Variants in CDK15 observed in about 807,000 individuals in gnomAD.
CDK15 encodes cyclin-dependent kinase 15.
A neutral mutation model predicts 60.3 loss-of-function variants in CDK15; 62 were observed. That is an observed-to-expected ratio of 1.03 (90% CI 0.84 to 1.27). CDK15 has a LOEUF of 1.27. CDK15 is among the 50% of genes most tolerant of loss of function. CDK15 has a pLI of 0.00. For synonymous variants in CDK15, 194 were observed against 195.7 expected, an observed-to-expected ratio of 0.99 and a Z score of 0.07; for missense variants, 541 against 527.8, an observed-to-expected ratio of 1.03 and a Z score of -0.25.
chr2:201,863,130 C>T (rs1171167201), intron 10 of CDK15, among the ~76,000 whole-genome samples: 1 of 152,160 alleles, frequency 6.6e-6, no homozygotes, highest in Non-Finnish European at 1.5e-5. Flanking sequence ...ATTAACCCGT[C>T]CCCCAAATCA....
rs181137686 is a variant in CDK15 at position 201,868,928 on chromosome 2, G to A, written c.1010-3350G>A. Among the ~76,000 whole-genome samples the A allele has an allele frequency of 1.1e-3, 172 of 152,340 alleles. 1 individual carries two copies. The highest frequency in any genetic ancestry group is 7.3e-4 in the Non-Finnish European group (50 of 68,036). ...AAATAGGAATGCTTATACACTGTTG[G>A]TGGGAGTGTAAACTAGTTCAACCAT... On this transcript the variant is annotated intron_variant, in intron 10 of 13. Transcript: ENST00000652192.
At chr2:201,886,883 A>G (rs1177013008) in intron 12 of CDK15, among the ~76,000 whole-genome samples, 1 of 152,202 alleles carries the variant, frequency 6.6e-6, no homozygotes, top group East Asian at 1.9e-4. Flanking sequence ...AGATTGTGGT[A>G]AAATGATTCT....
intron 4 of CDK15, among the ~76,000 whole-genome samples, chr2:201,815,738 G>A (rs1695962236): frequency 6.6e-6 from 1 of 152,156 alleles, no homozygotes; most frequent in Non-Finnish European, 1.5e-5. Context: ...CTTTCAGCCT[G>A]TTAATAGCAT....
intron 3 of CDK15, 58 bp from the exon 4 acceptor site, chr2:201,812,425 T>C (rs1166036551): frequency 2.7e-6 from 3 of 1,103,964 alleles, no homozygotes; most frequent in Non-Finnish European, 4.1e-6. Flanking sequence ...ATCTTTGGTA[T>C]AAATTGCTGC....
In CDK15 at chr2:201,807,471, TCTG is replaced by T; in HGVS notation, c.124-20_124-18del. 6.2e-7 allele frequency: 1 copy of T among 1,602,880 alleles called. No homozygotes were observed. Among genetic ancestry groups the T allele is most frequent in the Non-Finnish European group, 8.5e-7 (1 of 1,175,558 alleles). On this transcript the variant is annotated intron_variant, in intron 1 of 13. Coordinates refer to ENST00000652192, the MANE Select transcript of CDK15 (RefSeq NM_001366386.2). ...ATCTTTACTTTGCATAAATTTTATT[TCTG>T]CTCTTTCTTTTTTCTCTAGCTAACA...
In CDK15 at chr2:201,887,684, A is replaced by C. The variant is rs142959108; in HGVS notation, c.1199-3101A>C. Among the ~76,000 whole-genome samples the C allele has an allele frequency of 6.4e-3, 973 of 152,328 alleles. 5 individuals carry two copies. The highest frequency in any genetic ancestry group is 0.022 in the African/African-American group (926 of 41,572). ...TGGTCCTGGGAGAATGAAGGGCAGGAGGGAAAGGAAAAAATAAATAGGCAT... is the reference window on the plus strand; with the variant it reads ...TGGTCCTGGGAGAATGAAGGGCAGGCGGGAAAGGAAAAAATAAATAGGCAT... On this transcript the variant is annotated intron_variant, in intron 12 of 13. Coordinates refer to ENST00000652192, the MANE Select transcript of CDK15 (RefSeq NM_001366386.2).
chr2:201,809,305 T>A (rs1375688712), intron 3 of CDK15, among the ~76,000 whole-genome samples: 2 of 152,198 alleles, frequency 1.3e-5, no homozygotes, highest in African/African-American at 4.8e-5. Flanking sequence ...AGCCCGAAGT[T>A]TACACAGAAT....
chr2:201,889,492 A>G (rs1424672880), intron 12 of CDK15: 2 of 875,668 alleles, frequency 2.3e-6, no homozygotes. Flanking sequence ...TTAAACTTAC[A>G]GCAATCTGCC....
rs763068994 is a variant in CDK15, at chr2:201,890,917, G to A, written c.*23G>A. The A allele has an allele frequency of 1.3e-6, 2 of 1,558,886 alleles. No individual in the cohort carries two copies. Among genetic ancestry groups the A allele is most frequent in the Middle Eastern group, 1.7e-4 (1 of 5,914 alleles). On this transcript the variant is annotated 3_prime_UTR_variant, in exon 13 of 14. Coordinates refer to ENST00000652192, the MANE Select transcript of CDK15 (RefSeq NM_001366386.2). ...TGAAAAGAAAGGGCGAGATCACCAA[G>A]GTTCTTCCAGGTAAGTGGTTGCAAC...
chr2:201,858,038 A>G (rs1698218489), intron 10 of CDK15, among the ~76,000 whole-genome samples: 1 of 152,090 alleles, frequency 6.6e-6, no homozygotes, highest in South Asian at 2.1e-4. Flanking sequence ...CAGCCAGTAC[A>G]ATTTTGAGGG....
chr2:201,879,179 TTCTC>T (rs929037896), intron 11 of CDK15, among the ~76,000 whole-genome samples: 29 of 152,338 alleles, frequency 1.9e-4, no homozygotes, highest in African/African-American at 6.7e-4. Flanking sequence ...AAGTACTTAA[TTCTC>T]TCTCTTCCTC....
At chr2:201,888,826 T>C in intron 12 of CDK15, 1 of 1,094,964 alleles carries the variant, frequency 9.1e-7, no homozygotes, top group Non-Finnish European at 1.1e-6. Flanking sequence ...GGCAAGAGGA[T>C]ACTTCTCCCC....
chr2:201,867,185 A>C (rs1698666160), intron 10 of CDK15, among the ~76,000 whole-genome samples: 2 of 152,296 alleles, frequency 1.3e-5, no homozygotes, highest in South Asian at 4.1e-4. Flanking sequence ...TTCTTACAAC[A>C]ACCTCATTTG....
chr2:201,837,596 G>A (rs1697186009), intron 8 of CDK15, among the ~76,000 whole-genome samples: 3 of 152,240 alleles, frequency 2.0e-5, no homozygotes, highest in South Asian at 2.1e-4. Context: ...ACAATAGTGA[G>A]CATGGGCTGT....
At chr2:201,853,169 A>G (rs1331097628) in intron 9 of CDK15, among the ~76,000 whole-genome samples, 1 of 152,194 alleles carries the variant, frequency 6.6e-6, no homozygotes, top group African/African-American at 2.4e-5. Flanking sequence ...TTCTCCCACA[A>G]AAGAAGAATT....
At chr2:201,822,947 G>A in intron 5 of CDK15, 44 bp downstream of exon 5, 3 of 1,074,348 alleles carry the variant, frequency 2.8e-6, no homozygotes, top group Non-Finnish European at 4.3e-6. Context: ...AAAATAACCT[G>A]GTACTTGTAT....
chr2:201,808,755 T>G (rs1695625297), intron 3 of CDK15: 1 of 152,210 alleles, frequency 6.6e-6, no homozygotes, highest in African/African-American at 2.4e-5. Context: ...CCTTCTCCAC[T>G]CCCACTGCTT....
intron 12 of CDK15, among the ~76,000 whole-genome samples, chr2:201,885,556 T>C (rs2105840358): frequency 6.6e-6 from 1 of 152,312 alleles, no homozygotes; most frequent in East Asian, 1.9e-4. Context: ...CATTTCAATA[T>C]GTTAGAGGAG....
intron 9 of CDK15, among the ~76,000 whole-genome samples, chr2:201,853,592 T>C (rs373142127): frequency 6.6e-6 from 1 of 151,986 alleles, no homozygotes; most frequent in East Asian, 1.9e-4. Context: ...CTAAAAAGAG[T>C]TATAGTGAGA....
Sources: allele counts gnomAD v4.1 joint callset (sites outside exome capture counted in the v4.1 genomes callset), GRCh38; gene constraint gnomAD v4.1.1; transcripts MANE v1.5; gene names NCBI Gene and HGNC (gene_info 2026-07-23, HGNC 2026-07-21).